Variants in NR2C1 observed in about 807,000 individuals in gnomAD.
NR2C1 encodes TR2 nuclear hormone receptor.
Under a neutral mutation model 74.8 loss-of-function variants are expected in NR2C1, and 33 were observed. The observed-to-expected ratio is 0.44, with a 90% CI of 0.33 to 0.59. The LOEUF (loss-of-function observed/expected upper bound fraction) is 0.59, where lower values mean the gene tolerates loss of function less well. NR2C1 is among the 20% of genes least tolerant of loss of function. NR2C1 has a pLI of 0.02. For synonymous variants in NR2C1, 225 were observed against 240.6 expected (o/e 0.94, Z 0.60); for missense variants, 568 against 715.6 (o/e 0.79, Z 2.35).
chr12:95,050,164 A>G (rs532713310), intron 8 of NR2C1, among the ~76,000 whole-genome samples: 84 of 152,308 alleles, frequency 5.5e-4, no homozygotes, highest in South Asian at 3.5e-3. Context: ...TGATATTAGA[A>G]TAATAACAAA....
intron 9 of NR2C1, among the ~76,000 whole-genome samples, chr12:95,045,975 G>A (rs549741137): frequency 2.0e-5 from 3 of 152,060 alleles, no homozygotes; most frequent in African/African-American, 7.2e-5. Context: ...GAGTAGCTGG[G>A]GTTATAGGCA....
At chr12:95,069,798 C>G (rs1565880942) in intron 1 of NR2C1, among the ~76,000 whole-genome samples, 3 of 152,142 alleles carry the variant, frequency 2.0e-5, no homozygotes, top group South Asian at 2.1e-4. Context: ...ATGCATGCAT[C>G]CATCCATCCA....
rs558785847 is a variant in NR2C1, at chr12:95,030,790, C to T, written c.1393+559G>A. On this transcript the variant is annotated intron_variant, in intron 11 of 13. Transcript: ENST00000333003. ...TTGATGGGGCACTGTTTTGGGTAGTCATAAGCCATTCTATAGTTAAGCATT... is the reference window on the plus strand; with the variant it reads ...TTGATGGGGCACTGTTTTGGGTAGTTATAAGCCATTCTATAGTTAAGCATT... 807 of 1,613,026 alleles carry T rather than the reference C, an allele frequency of 5.0e-4. 7 individuals carry two copies. The South Asian group carries it at 8.4e-3, about 17-fold the overall frequency.
intron 9 of NR2C1, among the ~76,000 whole-genome samples, chr12:95,041,521 T>TA (rs529732089): frequency 3.7e-4 from 55 of 148,954 alleles, no homozygotes; most frequent in Admixed American, 2.0e-3. Flanking sequence ...TGGCACTAAA[T>TA]AAAAAAAAAA....
At position 95,020,265 on chromosome 12, in the gene NR2C1, T is replaced by C. The variant is rs576530449; in HGVS notation, c.*1964A>G. ...ATGAATAATATATTTACAAATATAC[T>C]GGTAAGACACAGAAATTTGTAATGC... On this transcript the variant is annotated 3_prime_UTR_variant, in exon 14 of 14. Transcript: ENST00000333003. 2.6e-5 allele frequency: 4 copies of C among 152,178 alleles called. No individual in the cohort carries two copies. The highest frequency in any genetic ancestry group is 5.9e-5 in the Non-Finnish European group (4 of 68,036). The allele number at this position is 152,178 out of a possible 1,614,324, so 9.4% of individuals were successfully genotyped here.
intron 11 of NR2C1, chr12:95,030,264 A>G (rs1165051100): frequency 2.4e-5 from 6 of 248,020 alleles, no homozygotes; most frequent in Non-Finnish European, 3.7e-5. Context: ...ATAAGACTCA[A>G]ATTTTGGTAA....
Position 95,042,113 on chromosome 12 carries a change from G to A in NR2C1, c.1132-1516C>T, listed in dbSNP as rs183930433. On this transcript the variant is annotated intron_variant, in intron 9 of 13. Transcript: ENST00000333003. ...ACCTAAAAAGTACAGAAGGAAACACGCCACACAGTTAACAGTGGCTACCTC... is the reference window on the plus strand; with the variant it reads ...ACCTAAAAAGTACAGAAGGAAACACACCACACAGTTAACAGTGGCTACCTC... Among the ~76,000 whole-genome samples the A allele has an allele frequency of 1.0e-3, 158 of 151,778 alleles. 1 individual carries two copies. The highest frequency in any genetic ancestry group is 3.7e-3 in the African/African-American group (154 of 41,390).
In NR2C1 at chr12:95,033,114, C is replaced by T. The variant is rs185204239; in HGVS notation, c.1254-1626G>A. The stretch of plus-strand genomic sequence containing the variant: ...TGCATCTGTGAAGAGACACTGCACT[C>T]CAGCCTCTAACCTGGCACAGGAAGA... On this transcript the variant is annotated intron_variant, in intron 10 of 13. Coordinates refer to ENST00000333003, the MANE Select transcript of NR2C1 (RefSeq NM_003297.4). Among the ~76,000 whole-genome samples the T allele has an allele frequency of 1.5e-4, 22 of 150,984 alleles. No individual in the cohort carries two copies. The East Asian group carries it at 3.7e-3, about 25-fold the overall frequency.
At chr12:95,044,577 A>C (rs1404186808) in intron 9 of NR2C1, among the ~76,000 whole-genome samples, 1 of 151,950 alleles carries the variant, frequency 6.6e-6, no homozygotes, top group Admixed American at 6.6e-5. Flanking sequence ...TGCCCAGCCG[A>C]TATAGCTTTT....
Position 95,069,409 on chromosome 12 carries a change from C to A in NR2C1, c.-7-2018G>T, listed in dbSNP as rs74315770. On this transcript the variant is annotated intron_variant, in intron 1 of 13. Transcript: ENST00000333003. The stretch of plus-strand genomic sequence containing the variant: ...CCCATAACACTGTATTTTTACTACA[C>A]CTCTTCCACGTTTAGATTTGTTACT... Among the ~76,000 whole-genome samples, 403 of 152,308 alleles carry A rather than the reference C, an allele frequency of 2.6e-3. 1 individual carries two copies. The highest frequency in any genetic ancestry group is 4.3e-3 in the Non-Finnish European group (295 of 68,028).
intron 9 of NR2C1, 145 bp from the exon 10 acceptor site, chr12:95,040,742 T>C (rs1410405308): frequency 2.0e-5 from 14 of 713,084 alleles, no homozygotes; most frequent in East Asian, 1.5e-4. Flanking sequence ...TCCAAGTCAC[T>C]AGAATTTACA....
rs1461659707 is a variant in NR2C1, at chr12:95,025,389, T to G, written c.1532-134A>C. On this transcript the variant is annotated intron_variant, in intron 12 of 13. Transcript: ENST00000333003. Reference sequence around the variant, plus strand: ...AATGTGTGGCTCAGGCCGGGCATGGTGGCTCACGCCTGTAATCCTAGCACT... The same window carrying G: ...AATGTGTGGCTCAGGCCGGGCATGGGGGCTCACGCCTGTAATCCTAGCACT... 1.5e-5 allele frequency: 8 copies of G among 545,310 alleles called. 1 individual carries two copies. Among genetic ancestry groups the G allele is most frequent in the Admixed American group, 1.1e-4 (3 of 27,134 alleles). 33.8% of individuals were successfully genotyped at this position (545,310 alleles called of 1,614,324 possible).
intron 1 of NR2C1, among the ~76,000 whole-genome samples, chr12:95,071,543 C>T (rs1876618659): frequency 6.6e-6 from 1 of 151,972 alleles, no homozygotes; most frequent in South Asian, 2.1e-4. Context: ...ATGTTTGCTC[C>T]CTCAAAATCC....
chr12:95,023,529 G>C (rs1274208414), intron 13 of NR2C1, among the ~76,000 whole-genome samples: 3 of 152,222 alleles, frequency 2.0e-5, no homozygotes, highest in African/African-American at 7.2e-5. Flanking sequence ...ACTGGGAAAA[G>C]CACAGAATGT....
intron 8 of NR2C1, among the ~76,000 whole-genome samples, chr12:95,050,085 G>A (rs960995897): frequency 6.6e-6 from 1 of 152,138 alleles, no homozygotes; most frequent in African/African-American, 2.4e-5. Flanking sequence ...ACAGGCATGA[G>A]CTACTGCACC....
chr12:95,055,410 A>C (rs1005250386), intron 7 of NR2C1, among the ~76,000 whole-genome samples: 1 of 152,254 alleles, frequency 6.6e-6, no homozygotes, highest in Non-Finnish European at 1.5e-5. Context: ...AATATATGGC[A>C]AGAGGCCACT....
rs188617363 is a variant in NR2C1 at position 95,057,262 on chromosome 12, G to A, written c.783+291C>T. 2.3e-3 allele frequency among the ~76,000 whole-genome samples: 346 copies of A among 151,500 alleles called. 1 individual carries two copies. The highest frequency in any genetic ancestry group is 3.8e-3 in the Non-Finnish European group (257 of 67,862). ...TGGGATTACAGGCATGCGCCACCAC[G>A]CCCAGTTAATTTTTCCATTTTTACT... is the stretch of plus-strand genomic sequence containing the variant. On this transcript the variant is annotated intron_variant, in intron 7 of 13. Coordinates refer to ENST00000333003, the MANE Select transcript of NR2C1 (RefSeq NM_003297.4).
At chr12:95,038,156 C>A (rs1455434299) in intron 10 of NR2C1, among the ~76,000 whole-genome samples, 2 of 152,088 alleles carry the variant, frequency 1.3e-5, no homozygotes, top group African/African-American at 2.4e-5. Flanking sequence ...CAATACAGAT[C>A]ACAGGAAAAT....
chr12:95,042,851 C>A (rs1405342110), intron 9 of NR2C1, among the ~76,000 whole-genome samples: 1 of 144,794 alleles, frequency 6.9e-6, no homozygotes, highest in Non-Finnish European at 1.5e-5. Context: ...AATTCCAGCA[C>A]TTTGGGAGGC....
Sources: gnomAD v4.1 joint callset for allele counts (sites outside exome capture counted in the v4.1 genomes callset) on GRCh38, gnomAD v4.1.1 for gene constraint, MANE v1.5 for transcripts, NCBI Gene and HGNC (gene_info 2026-07-23, HGNC 2026-07-21) for gene names.